KNTC1: variants seen among roughly 807,000 people sequenced by gnomAD.
The protein encoded by KNTC1 is kinetochore-associated protein 1.
A neutral mutation model predicts 314.4 loss-of-function variants in KNTC1; 253 were observed. That is an observed-to-expected ratio of 0.80 (90% CI 0.73 to 0.89). The LOEUF is 0.89. Among genes scored for constraint, KNTC1 ranks in the 40% least tolerant of loss-of-function variants. The probability of loss-of-function intolerance (pLI) is 0.00; values close to 1 mark genes in which losing one functional copy is unlikely to be tolerated. For missense variants in KNTC1, 2,475 were observed against 2,572.9 expected, an observed-to-expected ratio of 0.96 and a Z score of 0.82; for synonymous variants, 901 against 901.4, an observed-to-expected ratio of 1.00 and a Z score of 0.01.
chr12:122,537,669 C>T (rs889964062), intron 3 of KNTC1, among the ~76,000 whole-genome samples: 22 of 151,848 alleles, frequency 1.4e-4, no homozygotes, highest in African/African-American at 4.8e-4. Flanking sequence ...CTGCCTGCTT[C>T]GGCCTCCCAA....
chr12:122,552,527 A>G (rs1389982953), intron 16 of KNTC1, among the ~76,000 whole-genome samples: 1 of 152,000 alleles, frequency 6.6e-6, no homozygotes, highest in African/African-American at 2.4e-5. Context: ...ACCATGCCCA[A>G]CTAATTTTTA....
Position 122,547,445 on chromosome 12 carries a change from C to T in KNTC1, c.847C>T (p.Leu283=). Residue 283 remains leucine, a synonymous_variant, in exon 11 of 64, where the codon CTA becomes TTA. Coordinates refer to ENST00000333479, the MANE Select transcript of KNTC1 (RefSeq NM_014708.6). ...GCTGAGTTTATGGGATATTTACACT[C>T]TAACTCCTGTATGGAACTGGCCCTC... ...NVLSLWDIYT[L]TPVWNWPSLH... The T allele has an allele frequency of 6.2e-7, 1 of 1,612,112 alleles. No individual in the cohort carries two copies. The highest frequency in any genetic ancestry group is 1.3e-5 in the African/African-American group (1 of 75,008).
At position 122,561,929 on chromosome 12, in the gene KNTC1, G is replaced by A. The variant is rs1964002120; in HGVS notation, c.1497G>A (p.Lys499=). 1 of 1,580,934 alleles carries A rather than the reference G, an allele frequency of 6.3e-7. No homozygotes were observed. Among genetic ancestry groups the A allele is most frequent in the Non-Finnish European group, 8.7e-7 (1 of 1,153,700 alleles). The change falls in exon 19 of 64, where the codon AAG becomes AAA. Residue 499 remains lysine (K), a synonymous_variant. Transcript: ENST00000333479. Reference sequence around the variant, plus strand: ...TTATTATTCTTACTTAGCTTTTGAAGAAAGAAGATAAAACTGCTCTCATTT... The same window carrying A: ...TTATTATTCTTACTTAGCTTTTGAAAAAAGAAGATAAAACTGCTCTCATTT... ...MLNYAKTRLL[K]KEDKTALIYS... is the part of the protein sequence containing the mutation.
intron 41 of KNTC1, 145 bp from the exon 42 acceptor site, chr12:122,591,192 A>T: frequency 1.6e-6 from 1 of 614,148 alleles, no homozygotes; most frequent in African/African-American, 1.9e-5. Context: ...TTACGTAAGA[A>T]GTAACGACTG....
At chr12:122,606,464 C>T (rs746117538) in intron 51 of KNTC1, among the ~76,000 whole-genome samples, 28 of 151,892 alleles carry the variant, frequency 1.8e-4, no homozygotes, top group Non-Finnish European at 2.9e-4. Flanking sequence ...GTGATCCGCC[C>T]GCCTTGGCCT....
chr12:122,590,800 T>C (rs1870089308), intron 41 of KNTC1, 65 bp downstream of exon 41: 1 of 1,508,400 alleles, frequency 6.6e-7, no homozygotes. Context: ...AGAAATGAAG[T>C]TGGTTTTGCC....
At position 122,575,906 on chromosome 12, in the gene KNTC1, A is replaced by C; in HGVS notation, c.2586+7A>C. Reference sequence around the variant, plus strand: ...CTTAAACAAGGAAATAATGGTAAGTACACTCTTCGAAGAGTCTTTTTTCTC... The same window carrying C: ...CTTAAACAAGGAAATAATGGTAAGTCCACTCTTCGAAGAGTCTTTTTTCTC... On this transcript the variant is annotated splice_region_variant and intron_variant, in intron 29 of 63. Transcript: ENST00000333479. The C allele has an allele frequency of 6.3e-7, 1 of 1,597,602 alleles. No homozygotes were observed. Among genetic ancestry groups the C allele is most frequent in the Non-Finnish European group, 8.5e-7 (1 of 1,175,472 alleles).
chr12:122,568,867 G>T (rs1018118743), intron 21 of KNTC1, among the ~76,000 whole-genome samples: 4 of 151,938 alleles, frequency 2.6e-5, no homozygotes, highest in African/African-American at 9.7e-5. Flanking sequence ...TACTTTTCCC[G>T]GAGAAAATTG....
chr12:122,578,545 G>C (rs940288326), intron 31 of KNTC1, among the ~76,000 whole-genome samples: 2 of 151,888 alleles, frequency 1.3e-5, no homozygotes, highest in Non-Finnish European at 2.9e-5. Flanking sequence ...GCCTCAGCTG[G>C]GAGTAGCTGG....
At chr12:122,538,135 C>T (rs1354432574) in intron 3 of KNTC1, among the ~76,000 whole-genome samples, 2 of 152,106 alleles carry the variant, frequency 1.3e-5, no homozygotes, top group Admixed American at 6.5e-5. Flanking sequence ...GAGACGCTGT[C>T]TCAAAAACAA....
In KNTC1 at chr12:122,618,480, A is replaced by G; in HGVS notation, c.6086-2A>G. 6 of 1,606,338 alleles carry G rather than the reference A, an allele frequency of 3.7e-6. No individual in the cohort carries two copies. Among genetic ancestry groups the G allele is most frequent in the Non-Finnish European group, 5.1e-6 (6 of 1,177,106 alleles). The stretch of plus-strand genomic sequence containing the variant: ...ATGGTTGTTTTTTTGTTTTGTTTTC[A>G]GCCTCTTGTCCTTTAAGTCCTGATC... On this transcript the variant is annotated splice_acceptor_variant, in intron 58 of 63. Coordinates refer to ENST00000333479, the MANE Select transcript of KNTC1 (RefSeq NM_014708.6). LOFTEE classifies it high-confidence loss of function.
At chr12:122,607,420 T>G (rs372377657) in intron 51 of KNTC1, among the ~76,000 whole-genome samples, 1 of 152,216 alleles carries the variant, frequency 6.6e-6, no homozygotes, top group Admixed American at 6.5e-5. Flanking sequence ...TTTATGATAT[T>G]GACATTTTTG....
intron 20 of KNTC1, 134 bp downstream of exon 20, chr12:122,562,833 A>G (rs1964068923): frequency 1.8e-6 from 1 of 565,736 alleles, no homozygotes; most frequent in East Asian, 3.4e-5. Context: ...AACATGGCAA[A>G]ACCCCATCTC....
chr12:122,613,880 G>GC, intron 55 of KNTC1, 119 bp downstream of exon 55: 4 of 1,053,636 alleles, frequency 3.8e-6, no homozygotes, highest in Non-Finnish European at 5.1e-6. Flanking sequence ...TTGCTCTGTT[G>GC]CCCAGGCTGG....
chr12:122,572,844 G>T (rs989877844), intron 24 of KNTC1, 93 bp from the exon 25 acceptor site: 3 of 1,061,660 alleles, frequency 2.8e-6, no homozygotes, highest in South Asian at 3.3e-5. Context: ...CATAACCAGG[G>T]TTAATTCTTA....
At chr12:122,610,925 A>G in intron 53 of KNTC1, 25 bp downstream of exon 53, 9 of 1,530,230 alleles carry the variant, frequency 5.9e-6, no homozygotes, top group Non-Finnish European at 8.2e-6. Context: ...CTTAATCCAA[A>G]CTCTTCTGTG....
intron 63 of KNTC1, 100 bp from the exon 64 acceptor site, chr12:122,626,105 T>C: frequency 1.3e-6 from 1 of 798,898 alleles, no homozygotes; most frequent in East Asian, 2.7e-5. Context: ...GATATGTAGA[T>C]TTGTATCACT....
At chr12:122,531,816 C>T (rs1393988716) in intron 2 of KNTC1, among the ~76,000 whole-genome samples, 1 of 152,032 alleles carries the variant, frequency 6.6e-6, no homozygotes, top group African/African-American at 2.4e-5. Flanking sequence ...TCACTGCAAG[C>T]TCTGCCTCCC....
At chr12:122,598,075 A>G (rs989258104) in intron 44 of KNTC1, 137 bp downstream of exon 44, 9 of 688,580 alleles carry the variant, frequency 1.3e-5, no homozygotes, top group South Asian at 8.2e-5. Flanking sequence ...CTTGATTTCT[A>G]TATTTTTAAC....
Sources: gnomAD v4.1 joint callset for allele counts (sites outside exome capture counted in the v4.1 genomes callset) on GRCh38, gnomAD v4.1.1 for gene constraint, MANE v1.5 for transcripts, NCBI Gene and HGNC (gene_info 2026-07-23, HGNC 2026-07-21) for gene names.